The following PLEKHA8 variants were observed in gnomAD, a reference collection of about 807,000 sequenced individuals.
PLEKHA8 encodes the protein pleckstrin homology domain-containing family A member 8.
In PLEKHA8, 36 loss-of-function variants were observed where a neutral mutation model predicts 68.2. The ratio of observed to expected loss-of-function variants is 0.53; its 90% confidence interval spans 0.40 to 0.70. The LOEUF (loss-of-function observed/expected upper bound fraction) is 0.70, where lower values mean the gene tolerates loss of function less well. Ranked by LOEUF, PLEKHA8 falls within the 30% of genes least tolerant of loss-of-function variation. PLEKHA8 has a pLI of 0.00. For synonymous variants in PLEKHA8, 211 were observed against 216.1 expected (o/e 0.98, Z 0.20); for missense variants, 505 against 615.4 (o/e 0.82, Z 1.90).
intron 13 of PLEKHA8, among the ~76,000 whole-genome samples, chr7:30,096,006 G>C (rs1368910677): frequency 6.6e-6 from 1 of 152,092 alleles, no homozygotes; most frequent in Admixed American, 6.5e-5. Context: ...TTGGCAATGC[G>C]GGCTCTTTTT....
At chr7:30,056,410 C>A (rs1372855568) in intron 9 of PLEKHA8, among the ~76,000 whole-genome samples, 6 of 135,648 alleles carry the variant, frequency 4.4e-5, no homozygotes, top group East Asian at 2.1e-4. Flanking sequence ...ATATATATAA[C>A]ATACATATAT....
intron 12 of PLEKHA8, among the ~76,000 whole-genome samples, chr7:30,065,446 C>G (rs572595802): frequency 2.7e-5 from 4 of 147,308 alleles, no homozygotes; most frequent in African/African-American, 9.9e-5. Flanking sequence ...GACACAGACA[C>G]AACAAGCTCT....
At chr7:30,113,596 A>G (rs770241052) in intron 13 of PLEKHA8, among the ~76,000 whole-genome samples, 4 of 152,066 alleles carry the variant, frequency 2.6e-5, no homozygotes, top group Admixed American at 1.3e-4. Context: ...TATTCTGCAG[A>G]TTCTTTCCTT....
intron 3 of PLEKHA8, 34 bp from the exon 4 acceptor site, chr7:30,047,798 C>T: frequency 6.3e-7 from 1 of 1,591,774 alleles, no homozygotes; most frequent in Non-Finnish European, 8.6e-7. Flanking sequence ...GTTGTTTGTT[C>T]TGGTTACTGC....
At chr7:30,122,951 C>T (rs958294307) in intron 13 of PLEKHA8, among the ~76,000 whole-genome samples, 1 of 152,102 alleles carries the variant, frequency 6.6e-6, no homozygotes. Context: ...TGGTTCTCAG[C>T]TATCATGAAA....
At chr7:30,040,600 A>G (rs902787611) in intron 1 of PLEKHA8, among the ~76,000 whole-genome samples, 3 of 152,124 alleles carry the variant, frequency 2.0e-5, no homozygotes, top group African/African-American at 7.2e-5. Context: ...CCCAAACCTC[A>G]TGGTTGGAGT....
chr7:30,043,182 AGATGG>A (rs1295053439), intron 1 of PLEKHA8, among the ~76,000 whole-genome samples: 1 of 152,148 alleles, frequency 6.6e-6, no homozygotes, highest in Non-Finnish European at 1.5e-5. Context: ...TTTTTATTAG[AGATGG>A]GTTTCGCCAT....
At chr7:30,113,407 G>T (rs1183000756) in intron 13 of PLEKHA8, among the ~76,000 whole-genome samples, 1 of 151,942 alleles carries the variant, frequency 6.6e-6, no homozygotes, top group East Asian at 1.9e-4. Flanking sequence ...GTTGTCTCTT[G>T]GCCTCTGACT....
intron 6 of PLEKHA8, among the ~76,000 whole-genome samples, chr7:30,050,961 A>G (rs1281128589): frequency 6.6e-6 from 1 of 152,208 alleles, no homozygotes; most frequent in Non-Finnish European, 1.5e-5. Flanking sequence ...AACCCATGAA[A>G]GTGGGCTAAA....
intron 2 of PLEKHA8, among the ~76,000 whole-genome samples, chr7:30,045,422 C>T (rs117522957): frequency 0.012 from 1,814 of 152,248 alleles, 24 homozygotes; most frequent in Middle Eastern, 0.02. Flanking sequence ...ATGAGAGCAA[C>T]GTGTTTCACT....
In PLEKHA8 at chr7:30,080,462, T is replaced by G; in HGVS notation, c.*1675T>G. The G allele has an allele frequency of 3.0e-6, 3 of 985,356 alleles. No homozygotes were observed. The highest frequency in any genetic ancestry group is 3.6e-6 in the Non-Finnish European group (3 of 829,900). 61.0% of individuals were successfully genotyped at this position (985,356 alleles called of 1,614,324 possible). On this transcript the variant is annotated 3_prime_UTR_variant, in exon 14 of 14. Transcript: ENST00000449726. ...CATCATCTCTAGATGATGCTGTTCC[T>G]GCTGCAGATCTCTAGGATGGAGAGA...
rs1794900304 is a variant in PLEKHA8, at chr7:30,080,937, G to T, written c.*2150G>T. ...GATACCAGGTGGTTGTTAGAATTGT[G>T]CAGTGTGATCATTCTAAACAGCTGC... On this transcript the variant is annotated 3_prime_UTR_variant, in exon 14 of 14. Coordinates refer to ENST00000449726, the MANE Select transcript of PLEKHA8 (RefSeq NM_001197026.2). 2 of 985,366 alleles carry T rather than the reference G, an allele frequency of 2.0e-6. No individual in the cohort carries two copies. Among genetic ancestry groups the T allele is most frequent in the Non-Finnish European group, 2.4e-6 (2 of 829,910 alleles). 61.0% of individuals were successfully genotyped at this position (985,366 alleles called of 1,614,324 possible). A position where few individuals can be genotyped will look rare whatever the true frequency, so the allele number is the denominator to read the frequency against.
At chr7:30,054,161 T>C (rs1391913820) in intron 7 of PLEKHA8, among the ~76,000 whole-genome samples, 1 of 152,216 alleles carries the variant, frequency 6.6e-6, no homozygotes, top group Non-Finnish European at 1.5e-5. Context: ...GACATTTGTC[T>C]ATACTATGAG....
At chr7:30,115,587 TGTAG>T (rs1796419319) in intron 13 of PLEKHA8, among the ~76,000 whole-genome samples, 2 of 121,878 alleles carry the variant, frequency 1.6e-5, no homozygotes, top group African/African-American at 5.3e-5. Flanking sequence ...CACGTATACA[TGTAG>T]ACATGTATAC....
chr7:30,108,067 C>CAAA (rs796801365), intron 13 of PLEKHA8, among the ~76,000 whole-genome samples: 16 of 52,746 alleles, frequency 3.0e-4, no homozygotes, highest in South Asian at 8.1e-4. Flanking sequence ...AACTCCATCT[C>CAAA]AAAAAAAAAA....
chr7:30,116,122 ATG>A (rs1253096618), intron 13 of PLEKHA8: 1 of 150,972 alleles, frequency 6.6e-6, no homozygotes, highest in Non-Finnish European at 1.5e-5. Flanking sequence ...ACACGTATAC[ATG>A]TGTATACATA....
intron 13 of PLEKHA8, among the ~76,000 whole-genome samples, chr7:30,115,166 G>A (rs1796387969): frequency 6.6e-6 from 1 of 152,034 alleles, no homozygotes; most frequent in Admixed American, 6.6e-5. Flanking sequence ...AATAATTTTT[G>A]CTGTATTTTG....
chr7:30,049,170 G>A (rs1316789575), intron 4 of PLEKHA8, 54 bp from the exon 5 acceptor site: 1 of 1,604,788 alleles, frequency 6.2e-7, no homozygotes. Context: ...TCCACAATTG[G>A]GCTTTTTCTT....
At chr7:30,056,304 CTCTCTCTCTA>C (rs1255032840) in intron 9 of PLEKHA8, among the ~76,000 whole-genome samples, 2 of 93,904 alleles carry the variant, frequency 2.1e-5, no homozygotes, top group Non-Finnish European at 4.5e-5. Context: ...CTCTCTCTCT[CTCTCTCTCTA>C]TATATATATA....
Sources: gnomAD v4.1 joint callset for allele counts (sites outside exome capture counted in the v4.1 genomes callset) on GRCh38, gnomAD v4.1.1 for gene constraint, MANE v1.5 for transcripts, NCBI Gene and HGNC (gene_info 2026-07-23, HGNC 2026-07-21) for gene names.